The following TXNL4A variants were observed in gnomAD, a reference collection of about 807,000 sequenced individuals.
TXNL4A encodes the protein thioredoxin like 4A, also known as thioredoxin-like protein 4A.
TXNL4A carries 17 observed loss-of-function variants against 14.6 expected under a neutral mutation model. The ratio of observed to expected loss-of-function variants is 1.16; its 90% confidence interval spans 0.80 to 1.74. TXNL4A has a LOEUF of 1.74. Among genes scored for constraint, TXNL4A ranks in the 40% most tolerant of loss-of-function variants. The pLI is 0.00. For synonymous variants in TXNL4A, 83 were observed against 70.6 expected, an observed-to-expected ratio of 1.18 and a Z score of -0.88; for missense variants, 74 against 195.2, an observed-to-expected ratio of 0.38 and a Z score of 3.70.
intron 1 of TXNL4A, among the ~76,000 whole-genome samples, chr18:80,019,849 G>GT (rs767198673): frequency 1.8e-4 from 27 of 152,116 alleles, no homozygotes; most frequent in South Asian, 2.1e-4. Context: ...CAGGGTGTGT[G>GT]TTTTTTTGCG....
rs2051398150 is a variant in TXNL4A, at chr18:79,977,594, G to A, written c.257+4C>T. 2 of 1,591,160 alleles carry A rather than the reference G, an allele frequency of 1.3e-6. No homozygotes were observed. The highest frequency in any genetic ancestry group is 1.1e-5 in the South Asian group (1 of 87,636). On this transcript the variant is annotated splice_donor_region_variant and intron_variant, in intron 2 of 2. Transcript: ENST00000269601. ...ATTTCAGTAACAACTTTAAGATAAC[G>A]TACCTGAAGAAAAACATGACAGTAC...
intron 1 of TXNL4A, among the ~76,000 whole-genome samples, chr18:79,980,635 T>C (rs1010759675): frequency 6.6e-6 from 1 of 152,180 alleles, no homozygotes; most frequent in Non-Finnish European, 1.5e-5. Context: ...AAGCCCACAC[T>C]TCACAAAGAC....
At chr18:79,981,428 T>C (rs1438716191) in intron 1 of TXNL4A, among the ~76,000 whole-genome samples, 4 of 152,302 alleles carry the variant, frequency 2.6e-5, no homozygotes, top group Middle Eastern at 3.4e-3. Flanking sequence ...TCCCAGCACT[T>C]TGGGAGGCTG....
intron 1 of TXNL4A, among the ~76,000 whole-genome samples, chr18:80,018,971 C>G (rs1471636797): frequency 6.6e-5 from 10 of 152,192 alleles, no homozygotes; most frequent in Admixed American, 5.9e-4. Context: ...ATTACCTCAG[C>G]TAGAATTTTA....
At chr18:79,978,613 C>T (rs1486312577) in intron 1 of TXNL4A, among the ~76,000 whole-genome samples, 2 of 150,748 alleles carry the variant, frequency 1.3e-5, no homozygotes, top group Non-Finnish European at 1.5e-5. Flanking sequence ...CCCATCTCCG[C>T]CTCCCAAGCA....
At chr18:80,009,663 G>C (rs544872205) in intron 1 of TXNL4A, among the ~76,000 whole-genome samples, 22 of 152,310 alleles carry the variant, frequency 1.4e-4, no homozygotes, top group African/African-American at 4.3e-4. Context: ...AGAATGAAAG[G>C]AAGTGAAGTG....
chr18:79,974,085 T>G (rs2051342379), intron 2 of TXNL4A, among the ~76,000 whole-genome samples: 1 of 152,158 alleles, frequency 6.6e-6, no homozygotes, highest in African/African-American at 2.4e-5. Context: ...TTTTTCTGTA[T>G]TTATTTAGGA....
intron 1 of TXNL4A, among the ~76,000 whole-genome samples, chr18:80,023,063 T>G (rs2051860467): frequency 1.3e-5 from 2 of 152,264 alleles, no homozygotes; most frequent in East Asian, 3.9e-4. Flanking sequence ...ATGGCCCCAG[T>G]GAAAAATTGG....
At chr18:79,979,794 T>A (rs983430680) in intron 1 of TXNL4A, among the ~76,000 whole-genome samples, 1 of 152,242 alleles carries the variant, frequency 6.6e-6, no homozygotes, top group Admixed American at 6.5e-5. Flanking sequence ...CTTAAATTTG[T>A]ATACATACTT....
upstream of TXNL4A, chr18:79,988,640 GTATAGGCGC>G: frequency 5.9e-6 from 2 of 337,046 alleles, no homozygotes; most frequent in Non-Finnish European, 5.3e-6. Context: ...CGGCATGTGC[GTATAGGCGC>G]CGCGCGAACG....
chr18:80,012,662 A>G (rs935839282), intron 1 of TXNL4A, among the ~76,000 whole-genome samples: 6 of 152,166 alleles, frequency 3.9e-5, no homozygotes, highest in African/African-American at 1.4e-4. Flanking sequence ...TATCCACAGT[A>G]CCATTTGGAA....
At chr18:80,007,768 T>A (rs2051741709) in intron 1 of TXNL4A, among the ~76,000 whole-genome samples, 1 of 152,166 alleles carries the variant, frequency 6.6e-6, no homozygotes, top group African/African-American at 2.4e-5. Context: ...TGTATCATGA[T>A]CAGATGCCGT....
intron 2 of TXNL4A, among the ~76,000 whole-genome samples, chr18:79,975,383 G>GA (rs374818490): frequency 6.6e-6 from 1 of 152,254 alleles, no homozygotes; most frequent in African/African-American, 2.4e-5. Context: ...ACAGCAGAAG[G>GA]AAGTTTCATC....
chr18:80,028,257 TTCTGTACAAG>T (rs1171251132), intron 1 of TXNL4A, among the ~76,000 whole-genome samples: 1 of 149,334 alleles, frequency 6.7e-6, no homozygotes, highest in African/African-American at 2.5e-5. Flanking sequence ...ACCATGGCCC[TTCTGTACAAG>T]TCTGTTGAAG....
chr18:79,977,217 A>C (rs1378175580), intron 2 of TXNL4A: 2 of 282,712 alleles, frequency 7.1e-6, no homozygotes, highest in Non-Finnish European at 1.3e-5. Context: ...TCGGCCTCCC[A>C]AAGTGCTGGG....
chr18:79,989,169 C>T (rs571059023), upstream of TXNL4A, among the ~76,000 whole-genome samples: 276 of 152,176 alleles, frequency 1.8e-3, 1 homozygote, highest in African/African-American at 6.1e-3. Flanking sequence ...TTGAGACGTG[C>T]AGTGACGTGA....
intron 1 of TXNL4A, among the ~76,000 whole-genome samples, chr18:79,986,957 G>A (rs2051559504): frequency 6.6e-6 from 1 of 152,170 alleles, no homozygotes; most frequent in African/African-American, 2.4e-5. Context: ...AACCCCCAGC[G>A]TGTGAGAGAA....
chr18:80,013,486 G>A (rs549754920), intron 1 of TXNL4A, among the ~76,000 whole-genome samples: 1 of 151,644 alleles, frequency 6.6e-6, no homozygotes, highest in African/African-American at 2.4e-5. Flanking sequence ...CCAGGCTGGA[G>A]TGCAGTGGCA....
upstream of TXNL4A, among the ~76,000 whole-genome samples, chr18:79,990,420 G>A (rs2051619001): frequency 6.6e-6 from 1 of 152,210 alleles, no homozygotes. Flanking sequence ...CCTTGCATAA[G>A]TTATCTCAAC....
Sources: gnomAD v4.1 joint callset for allele counts (sites outside exome capture counted in the v4.1 genomes callset) on GRCh38, gnomAD v4.1.1 for gene constraint, MANE v1.5 for transcripts, NCBI Gene and HGNC (gene_info 2026-07-23, HGNC 2026-07-21) for gene names.